The following VPS50 variants were observed in gnomAD, a reference collection of about 807,000 sequenced individuals.
VPS50 encodes VPS50 subunit of EARP/GARPII complex, also known as syndetin.
VPS50 carries 70 observed loss-of-function variants against 139.7 expected under a neutral mutation model. The ratio of observed to expected loss-of-function variants is 0.50; its 90% CI spans 0.41 to 0.61. VPS50 has a LOEUF of 0.61. Among genes scored for constraint, VPS50 ranks in the 20% least tolerant of loss-of-function variants. The pLI is 0.00. For missense variants in VPS50, 921 were observed against 1,133.7 expected, an observed-to-expected ratio of 0.81 and a Z score of 2.69; for synonymous variants, 365 against 376.7, an observed-to-expected ratio of 0.97 and a Z score of 0.36.
intron 25 of VPS50, among the ~76,000 whole-genome samples, chr7:93,353,196 T>C (rs867700616): frequency 1.3e-5 from 2 of 152,188 alleles, no homozygotes; most frequent in African/African-American, 2.4e-5. Flanking sequence ...TGATAATTTA[T>C]TAGATTGCAC....
At chr7:93,234,976 G>A (rs369278452) in intron 1 of VPS50, among the ~76,000 whole-genome samples, 44 of 152,136 alleles carry the variant, frequency 2.9e-4, no homozygotes, top group African/African-American at 1.1e-3. Context: ...AGGCAGACAC[G>A]GTGATAAACA....
intron 17 of VPS50, 38 bp downstream of exon 17, chr7:93,303,588 G>T: frequency 1.1e-6 from 1 of 922,040 alleles, no homozygotes; most frequent in South Asian, 1.7e-5. Context: ...CTGTCTTTTA[G>T]TAATGTATTT....
chr7:93,286,335 T>C (rs17783441), intron 12 of VPS50, among the ~76,000 whole-genome samples: 3,497 of 152,286 alleles, frequency 0.023, 50 homozygotes, highest in Non-Finnish European at 0.036. Flanking sequence ...AATATGGTGC[T>C]CCTCTGCTAT....
At chr7:93,253,763 GCA>G (rs2116825332) in intron 3 of VPS50, 95 bp from the exon 4 acceptor site, 1 of 666,394 alleles carries the variant, frequency 1.5e-6, no homozygotes, top group East Asian at 2.7e-5. Context: ...TGTTTTGTAT[GCA>G]CAGTTTGTAG....
At chr7:93,328,003 A>G (rs1797830406) in intron 21 of VPS50, among the ~76,000 whole-genome samples, 1 of 152,186 alleles carries the variant, frequency 6.6e-6, no homozygotes, top group Non-Finnish European at 1.5e-5. Flanking sequence ...TTGGGGACAC[A>G]GTATATACAT....
At position 93,258,387 on chromosome 7, in the gene VPS50, C is replaced by A; in HGVS notation, c.571C>A (p.Leu191Met). ...AACAGATGTACGGTTAAGTGAAATGCTGGAGGTAAGTTAACAAGTTTTGGA... is the reference window on the plus strand; with the variant it reads ...AACAGATGTACGGTTAAGTGAAATGATGGAGGTAAGTTAACAAGTTTTGGA... ...QRTDVRLSEMLEEEDYPGAIQ... is the reference protein window; with the variant it reads ...QRTDVRLSEMMEEEDYPGAIQ... The change falls in exon 8 of 28, where the codon CTG becomes ATG. Residue 191 changes from leucine (L) to methionine (M), a missense_variant. Physicochemically the swap from Leu to Met is conservative, Grantham distance 15. Transcript: ENST00000305866. The A allele has an allele frequency of 6.2e-7, 1 of 1,612,348 alleles. No individual in the cohort carries two copies. The highest frequency in any genetic ancestry group is 8.5e-7 in the Non-Finnish European group (1 of 1,178,718).
chr7:93,297,003 C>T (rs1796830729), intron 15 of VPS50, 142 bp from the exon 16 acceptor site: 1 of 1,446,728 alleles, frequency 6.9e-7, no homozygotes, highest in African/African-American at 1.5e-5. Context: ...GTTTGTAAAC[C>T]TTTATGGATT....
At chr7:93,308,995 A>G (rs1797192828) in intron 19 of VPS50, 53 bp downstream of exon 19, 1 of 931,876 alleles carries the variant, frequency 1.1e-6, no homozygotes, top group Non-Finnish European at 1.7e-6. Flanking sequence ...TGCTCTTAAC[A>G]TATAGGATTT....
chr7:93,336,654 C>T (rs1367941929), intron 22 of VPS50, among the ~76,000 whole-genome samples: 1 of 152,168 alleles, frequency 6.6e-6, no homozygotes, highest in Non-Finnish European at 1.5e-5. Context: ...GCTGGAATTA[C>T]AGGCTGTCAC....
At chr7:93,283,289 G>A (rs1027882001) in intron 12 of VPS50, among the ~76,000 whole-genome samples, 1 of 150,112 alleles carries the variant, frequency 6.7e-6, no homozygotes, top group Non-Finnish European at 1.5e-5. Context: ...GTTCAATGGC[G>A]TGATCTTGGC....
chr7:93,334,222 C>A (rs753459819), intron 22 of VPS50, 25 bp downstream of exon 22: 7 of 1,243,260 alleles, frequency 5.6e-6, no homozygotes, highest in South Asian at 3.8e-5. Flanking sequence ...GGAATAAATT[C>A]TTTTGGATTA....
intron 20 of VPS50, among the ~76,000 whole-genome samples, chr7:93,315,374 T>A (rs925467638): frequency 6.6e-5 from 10 of 152,206 alleles, no homozygotes; most frequent in African/African-American, 2.4e-4. Context: ...AAGAAATATC[T>A]TTGTGTATAT....
chr7:93,244,795 GA>G (rs1299364806), intron 2 of VPS50, among the ~76,000 whole-genome samples: 1 of 151,796 alleles, frequency 6.6e-6, no homozygotes, highest in East Asian at 1.9e-4. Context: ...GGTACTAAGG[GA>G]GACTCTAACT....
At chr7:93,344,346 C>G (rs1798322059) in intron 23 of VPS50, among the ~76,000 whole-genome samples, 1 of 152,124 alleles carries the variant, frequency 6.6e-6, no homozygotes, top group South Asian at 2.1e-4. Context: ...CCTGAGTGAC[C>G]TACAAAGAGA....
intron 2 of VPS50, among the ~76,000 whole-genome samples, chr7:93,240,255 T>C (rs879917151): frequency 7.8e-6 from 1 of 127,544 alleles, no homozygotes; most frequent in African/African-American, 3.3e-5. Context: ...ACACACTCTC[T>C]CTCTCTCTCT....
At chr7:93,304,321 T>A (rs1351940132) in intron 17 of VPS50, among the ~76,000 whole-genome samples, 1 of 151,758 alleles carries the variant, frequency 6.6e-6, no homozygotes, top group East Asian at 1.9e-4. Context: ...ATGTAAAGAA[T>A]ACATAATTAC....
At chr7:93,263,094 G>A (rs1795736136) in intron 9 of VPS50, among the ~76,000 whole-genome samples, 1 of 150,652 alleles carries the variant, frequency 6.6e-6, no homozygotes, top group South Asian at 2.1e-4. Context: ...GGTCTTCCCA[G>A]TACAGTGTTG....
intron 5 of VPS50, 141 bp downstream of exon 5, chr7:93,256,703 G>A (rs950909966): frequency 1.6e-5 from 8 of 503,152 alleles, no homozygotes; most frequent in South Asian, 8.2e-5. Flanking sequence ...TTGTGTATAT[G>A]TATGTATGTA....
At chr7:93,319,790 A>AT (rs1408248810) in intron 20 of VPS50, among the ~76,000 whole-genome samples, 4 of 151,968 alleles carry the variant, frequency 2.6e-5, no homozygotes, top group Non-Finnish European at 4.4e-5. Context: ...TTTTAAAACA[A>AT]TTTCCTCCAT....
Sources: allele counts gnomAD v4.1 joint callset (sites outside exome capture counted in the v4.1 genomes callset), GRCh38; gene constraint gnomAD v4.1.1; transcripts MANE v1.5; gene names NCBI Gene and HGNC (gene_info 2026-07-23, HGNC 2026-07-21).